Variants in ATP8B3 observed in about 807,000 individuals in gnomAD.
The protein encoded by ATP8B3 is phospholipid-transporting ATPase IK.
In ATP8B3, 141 loss-of-function variants were observed where a neutral mutation model predicts 140.9. That is an observed-to-expected ratio of 1.00 (90% confidence interval 0.87 to 1.15). The LOEUF is 1.15. Ranked by LOEUF, ATP8B3 falls within the 50% of genes most tolerant of loss-of-function variation. ATP8B3 has a pLI of 0.00. For missense variants in ATP8B3, 1,874 were observed against 1,740.6 expected (o/e 1.08, Z -1.36); for synonymous variants, 765 against 714.6 (o/e 1.07, Z -1.13).
At chr19:1,791,636 G>T (rs888643934) in intron 20 of ATP8B3, 114 bp downstream of exon 20, 3 of 764,976 alleles carry the variant, frequency 3.9e-6, no homozygotes, top group East Asian at 2.7e-5. Context: ...CAAGTGATCC[G>T]CCCGCCTCGG....
At chr19:1,786,565 C>CA (rs57628690) in intron 25 of ATP8B3, among the ~76,000 whole-genome samples, 1,349 of 109,816 alleles carry the variant, frequency 0.012, 19 homozygotes, top group African/African-American at 0.037. Context: ...GACCCTGTCT[C>CA]AAAAAAAAAA....
chr19:1,805,863 C>T lies in ATP8B3; in HGVS notation c.821+25G>A. The T allele has an allele frequency of 6.2e-7, 1 of 1,612,462 alleles. No individual in the cohort carries two copies. The highest frequency in any genetic ancestry group is 8.5e-7 in the Non-Finnish European group (1 of 1,179,598). On this transcript the variant is annotated intron_variant, in intron 9 of 28. Transcript: ENST00000310127. This position sits in a 1 kb window ranked among gnomAD's most constrained non-coding sequence, Gnocchi z 5.2. Reference sequence around the variant, plus strand: ...GGCCATGCTCCCCACCCCCCAGGGTCCCCAGCGATGCCACAGCTCCTCACC... The same window carrying T: ...GGCCATGCTCCCCACCCCCCAGGGTTCCCAGCGATGCCACAGCTCCTCACC...
rs2069059891 is a variant in ATP8B3, at chr19:1,807,403, C to T, written c.517-137G>A. ...CACCTTGACCGGGGTCCAGCCATCT[C>T]CTGCAACCCCCAGCCCTCGGGACAA... On this transcript the variant is annotated intron_variant, in intron 5 of 28. Coordinates refer to ENST00000310127, the MANE Select transcript of ATP8B3 (RefSeq NM_138813.4). This position sits in a 1 kb window ranked among gnomAD's most constrained non-coding sequence, Gnocchi z 5.9. The T allele has an allele frequency of 1.5e-6, 1 of 668,272 alleles. No homozygotes were observed. Among genetic ancestry groups the T allele is most frequent in the East Asian group, 2.8e-5 (1 of 35,732 alleles). The allele number at this position is 668,272 out of a possible 1,614,324, so 41.4% of individuals were successfully genotyped here.
intron 2 of ATP8B3, 116 bp from the exon 3 acceptor site, chr19:1,810,799 A>C: frequency 1.1e-6 from 1 of 892,276 alleles, no homozygotes; most frequent in Non-Finnish European, 1.6e-6. Flanking sequence ...TACCTCCCAC[A>C]CTCATCTGCA....
chr19:1,809,420 G>A (rs1481441436), intron 4 of ATP8B3, among the ~76,000 whole-genome samples: 1 of 151,812 alleles, frequency 6.6e-6, no homozygotes, highest in Non-Finnish European at 1.5e-5. Flanking sequence ...GGTGGAGGTT[G>A]CAGTGAGCCG....
chr19:1,797,613 T>A (rs1328586825), intron 14 of ATP8B3, among the ~76,000 whole-genome samples: 1 of 151,364 alleles, frequency 6.6e-6, no homozygotes, highest in Non-Finnish European at 1.5e-5. Context: ...GACTCTCCTG[T>A]CTCAGCCTCC....
intron 18 of ATP8B3, among the ~76,000 whole-genome samples, chr19:1,793,082 CTTT>C (rs773629818): frequency 7.2e-6 from 1 of 138,240 alleles, no homozygotes. Flanking sequence ...ACAGCAAATT[CTTT>C]TTTTTTTTTT....
In ATP8B3 at chr19:1,789,539, A is replaced by G; in HGVS notation, c.2667T>C (p.Arg889=). The change falls in exon 23 of 29, where the codon CGT becomes CGC. Residue 889 remains arginine (R), a synonymous_variant. Coordinates refer to ENST00000310127, the MANE Select transcript of ATP8B3 (RefSeq NM_138813.4). The part of the protein sequence containing the change: ...APPAQDSRAR[R]SSEVLQERAF... ...CGCGCTCCTGCAGCACCTCGGAGCT[A>G]CGGCGGGCTCTGGAGTCCTGGGCTG... The G allele has an allele frequency of 6.3e-7, 1 of 1,597,442 alleles. No homozygotes were observed. Among genetic ancestry groups the G allele is most frequent in the East Asian group, 2.2e-5 (1 of 44,644 alleles).
At chr19:1,799,499 C>T (rs1457429883) in intron 14 of ATP8B3, 4 of 301,078 alleles carry the variant, frequency 1.3e-5, no homozygotes, top group African/African-American at 6.6e-5. Flanking sequence ...GGCGTGGTGG[C>T]TCACGCCTGT....
At chr19:1,785,061 A>G (rs1202247255) in intron 27 of ATP8B3, 98 bp downstream of exon 27, 9 of 1,486,510 alleles carry the variant, frequency 6.1e-6, no homozygotes, top group African/African-American at 4.2e-5. Context: ...CTTCCCCAGG[A>G]CACTTTGCCG....
chr19:1,786,076 G>A (rs547917288), intron 25 of ATP8B3, among the ~76,000 whole-genome samples: 13 of 152,138 alleles, frequency 8.5e-5, no homozygotes, highest in African/African-American at 2.9e-4. Flanking sequence ...AGGCTGCAGT[G>A]AGCTGTGATC....
Position 1,794,616 on chromosome 19 carries a change from C to G in ATP8B3, c.2055+1259G>C, listed in dbSNP as rs1449966758. Among the ~76,000 whole-genome samples the G allele has an allele frequency of 6.6e-6, 1 of 152,068 alleles. No individual in the cohort carries two copies. The highest frequency in any genetic ancestry group is 6.5e-5 in the Admixed American group (1 of 15,276). On this transcript the variant is annotated intron_variant, in intron 18 of 28. Coordinates refer to ENST00000310127, the MANE Select transcript of ATP8B3 (RefSeq NM_138813.4). The surrounding 1 kb of genome is among the most constrained non-coding windows in gnomAD (Gnocchi z 4.8). The stretch of plus-strand genomic sequence containing the variant: ...GGCAGGGGGTGGGGCAGGAAAGGCC[C>G]CATGTGTGGGGAGCTTGTGGCTGAG...
At chr19:1,787,556 CCGT>C (rs1335537177) in intron 24 of ATP8B3, among the ~76,000 whole-genome samples, 22 of 151,852 alleles carry the variant, frequency 1.4e-4, no homozygotes, top group Non-Finnish European at 2.4e-4. Flanking sequence ...CGGTGAAACC[CCGT>C]CTCTACTAAA....
intron 4 of ATP8B3, among the ~76,000 whole-genome samples, chr19:1,809,160 C>T (rs562859281): frequency 1.8e-4 from 23 of 128,352 alleles, no homozygotes; most frequent in African/African-American, 5.6e-4. Flanking sequence ...GGCGACAGAG[C>T]GAGACTCCAT....
chr19:1,811,913 C>T (rs1420037252), intron 1 of ATP8B3, 29 bp from the exon 2 acceptor site: 2 of 702,884 alleles, frequency 2.8e-6, no homozygotes, highest in Non-Finnish European at 4.5e-6. Flanking sequence ...ACGGACACAG[C>T]GCTGGCTTCC....
chr19:1,787,590 G>A (rs369573919), intron 24 of ATP8B3, among the ~76,000 whole-genome samples: 34 of 151,876 alleles, frequency 2.2e-4, no homozygotes, highest in East Asian at 7.7e-4. Flanking sequence ...GTAGCTGGGC[G>A]TGGTAGCAGG....
Position 1,806,402 on chromosome 19 carries a change from C to T in ATP8B3, c.677+226G>A, listed in dbSNP as rs78931816. 1,084 of 1,444,140 alleles carry T rather than the reference C, an allele frequency of 7.5e-4. 11 individuals are homozygous for T. The East Asian group carries it at 0.02, about 27-fold the overall frequency. 89.5% of individuals were successfully genotyped at this position (1,444,140 alleles called of 1,614,324 possible). A position where few individuals can be genotyped will look rare whatever the true frequency, so the allele number is the denominator to read the frequency against. On this transcript the variant is annotated intron_variant, in intron 7 of 28. Coordinates refer to ENST00000310127, the MANE Select transcript of ATP8B3 (RefSeq NM_138813.4). The surrounding 1 kb of genome is among the most constrained non-coding windows in gnomAD (Gnocchi z 5.6). ...GTCCTCTTCAGACTTTCCTTGTCCTCCCCATCGCCCGAGCCCTAAGCTCTG... is the reference window on the plus strand; with the variant it reads ...GTCCTCTTCAGACTTTCCTTGTCCTTCCCATCGCCCGAGCCCTAAGCTCTG...
rs756076353 is a variant in ATP8B3, at chr19:1,802,542, G to A, written c.1008C>T (p.Leu336=). The change falls in exon 11 of 29, where the codon CTC becomes CTT. Residue 336 remains leucine (L), a synonymous_variant. Coordinates refer to ENST00000310127, the MANE Select transcript of ATP8B3 (RefSeq NM_138813.4). ...KYSLDIGNLL[L]RGCRIRNTDT... ...CTGTGTTGCGAATCCTGCAGCCTCG[G>A]AGGAGGAGGTTGCCAATGTCCAGGG... is the stretch of plus-strand genomic sequence containing the variant. The A allele has an allele frequency of 6.2e-7, 1 of 1,609,902 alleles. No individual in the cohort carries two copies. The highest frequency in any genetic ancestry group is 8.5e-7 in the Non-Finnish European group (1 of 1,179,240).
chr19:1,798,866 G>A (rs1018539683), intron 14 of ATP8B3: 1 of 152,230 alleles, frequency 6.6e-6, no homozygotes, highest in African/African-American at 2.4e-5. Context: ...GCAGTGGCCG[G>A]GTGTGGTGGC....
Sources: allele counts gnomAD v4.1 joint callset (sites outside exome capture counted in the v4.1 genomes callset), GRCh38; gene constraint gnomAD v4.1.1; non-coding constraint Gnocchi (gnomAD v3.1); transcripts MANE v1.5; gene names NCBI Gene and HGNC (gene_info 2026-07-23, HGNC 2026-07-21).